Variants in CAPN15 observed in about 807,000 individuals in gnomAD.
CAPN15 encodes calpain 15, also known as calpain-15.
Under a neutral mutation model 97.9 loss-of-function variants are expected in CAPN15, and 53 were observed. The observed-to-expected ratio is 0.54, with a 90% CI of 0.43 to 0.68. The LOEUF is 0.68. Among genes scored for constraint, CAPN15 ranks in the 30% least tolerant of loss-of-function variants. CAPN15 has a pLI of 0.00. For synonymous variants in CAPN15, 922 were observed against 722.5 expected, an observed-to-expected ratio of 1.28 and a Z score of -4.43; for missense variants, 1,592 against 1,589.8, an observed-to-expected ratio of 1.00 and a Z score of -0.02.
Position 552,716 on chromosome 16 carries a change from C to A in CAPN15, c.2849C>A (p.Thr950Asn). 3 of 1,544,526 alleles carry A rather than the reference C, an allele frequency of 1.9e-6. No homozygotes were observed. Among genetic ancestry groups the A allele is most frequent in the Non-Finnish European group, 2.6e-6 (3 of 1,145,926 alleles). ...GTGGAGCCCGTGGAAGCCCAGCCGA[C>A]CACGCTGGCCGACGCCATCATCCTG... Reference protein sequence around the residue: ...VMVEPVEAQPTTLADAIILLT... With the variant: ...VMVEPVEAQPNTLADAIILLT... Residue 950 changes from threonine to asparagine, a missense_variant, in exon 12 of 14, where the codon ACC (threonine) becomes AAC (asparagine). Physicochemically the swap from Thr to Asn is moderately conservative, Grantham distance 65. This residue lies in a region of CAPN15 where 644 missense variants were observed against 699.6 expected (regional missense o/e 0.92). Coordinates refer to ENST00000219611, the MANE Select transcript of CAPN15 (RefSeq NM_005632.3). This position sits in a 1 kb window ranked among gnomAD's most constrained non-coding sequence, Gnocchi z 6.4.
In CAPN15 at chr16:552,026, G is replaced by A. The variant is rs1177160875; in HGVS notation, c.2346-25G>A. On this transcript the variant is annotated intron_variant, in intron 9 of 13. Transcript: ENST00000219611. This position sits in a 1 kb window ranked among gnomAD's most constrained non-coding sequence, Gnocchi z 6.4. ...GAGGTGTGGGCCGTGGTAGGCTCAG[G>A]GCCCCGTCCTCCCGCCACCTGCAGG... 2 of 1,545,850 alleles carry A rather than the reference G, an allele frequency of 1.3e-6. No individual in the cohort carries two copies. Among genetic ancestry groups the A allele is most frequent in the Non-Finnish European group, 1.7e-6 (2 of 1,145,464 alleles).
rs150894987 is a variant in CAPN15, at chr16:553,771, G to A, written c.*255G>A. On this transcript the variant is annotated 3_prime_UTR_variant, in exon 14 of 14. Transcript: ENST00000219611. ...ACCAGGCGGGCTGTGAACCAGCCCC[G>A]CTCACCTGCCAGCCCCAACACCCGA... is the stretch of plus-strand genomic sequence containing the variant. 65 of 384,306 alleles carry A rather than the reference G, an allele frequency of 1.7e-4. No individual in the cohort carries two copies. The highest frequency in any genetic ancestry group is 3.3e-4 in the African/African-American group (16 of 48,316). The allele number at this position is 384,306 out of a possible 1,614,324, so 23.8% of individuals were successfully genotyped here.
At chr16:541,268 G>A (rs1385446399) in intron 3 of CAPN15, among the ~76,000 whole-genome samples, 1 of 152,274 alleles carries the variant, frequency 6.6e-6, no homozygotes, top group East Asian at 1.9e-4. Flanking sequence ...CGGCCGACAA[G>A]GACTGGGGAT....
chr16:552,070 A>G lies in CAPN15; in HGVS notation c.2365A>G (p.Ile789Val). The change falls in exon 10 of 14, where the codon ATC becomes GTC. Residue 789 changes from isoleucine to valine, a missense_variant. Physicochemically the swap from Ile to Val is conservative, Grantham distance 29. Around this residue, in one of 3 missense-constraint regions of CAPN15, gnomAD observed 644 missense variants for 699.6 expected, o/e 0.92. Coordinates refer to ENST00000219611, the MANE Select transcript of CAPN15 (RefSeq NM_005632.3). The surrounding 1 kb of genome is among the most constrained non-coding windows in gnomAD (Gnocchi z 6.4). ...CTGCAGGTACTTCGACTCCGTGGAC[A>G]TCTGTAAGGTGCACTCGGACTGGCA... is the stretch of plus-strand genomic sequence containing the variant. ...DFVRYFDSVD[I>V]CKVHSDWQEA... 6.5e-7 allele frequency: 1 copy of G among 1,549,038 alleles called. No individual in the cohort carries two copies. The highest frequency in any genetic ancestry group is 8.7e-7 in the Non-Finnish European group (1 of 1,146,900).
Position 548,008 on chromosome 16 carries a change from C to T in CAPN15, c.1170C>T (p.Ser390=). 5.7e-6 allele frequency: 9 copies of T among 1,577,316 alleles called. No individual in the cohort carries two copies. The highest frequency in any genetic ancestry group is 7.7e-6 in the Non-Finnish European group (9 of 1,163,672). Residue 390 remains serine, a synonymous_variant, in exon 4 of 14, where the codon AGC becomes AGT. Coordinates refer to ENST00000219611, the MANE Select transcript of CAPN15 (RefSeq NM_005632.3). ...HCPDCGADKP[S]PCGRSCGRVS... ...CCGACTGTGGGGCCGACAAGCCCAG[C>T]CCCTGCGGCAGAAGCTGCGGACGGG...
chr16:546,307 A>G (rs2034580783), intron 3 of CAPN15, among the ~76,000 whole-genome samples: 1 of 151,940 alleles, frequency 6.6e-6, no homozygotes, highest in Non-Finnish European at 1.5e-5. Flanking sequence ...AGAACAATTG[A>G]TTTTTCTGCC....
intron 3 of CAPN15, among the ~76,000 whole-genome samples, chr16:542,987 G>A (rs1045924260): frequency 3.3e-5 from 5 of 150,252 alleles, no homozygotes; most frequent in Non-Finnish European, 5.9e-5. Flanking sequence ...GGAGGCGGAG[G>A]TTGCAGTGAG....
chr16:537,993 G>A (rs563254219), intron 3 of CAPN15: 4 of 152,374 alleles, frequency 2.6e-5, no homozygotes, highest in South Asian at 4.1e-4. Flanking sequence ...TTTTACGTTC[G>A]CTTCACACGG....
intron 5 of CAPN15, 41 bp downstream of exon 5, chr16:549,242 G>GGGGGGGT: frequency 1.0e-5 from 3 of 298,896 alleles, no homozygotes; most frequent in Admixed American, 4.7e-5. Flanking sequence ...GGGTGGGCGG[G>GGGGGGGT]CGACCGGCCG....
rs747256763 is a variant in CAPN15, at chr16:552,494, T to C, written c.2701T>C (p.Trp901Arg). Residue 901 changes from tryptophan to arginine, a missense_variant, in exon 11 of 14, where the codon TGG becomes CGG. Trp to Arg is a moderately radical substitution (Grantham distance 101). Around this residue, in one of 3 missense-constraint regions of CAPN15, gnomAD observed 644 missense variants for 699.6 expected, o/e 0.92. Transcript: ENST00000219611. This position sits in a 1 kb window ranked among gnomAD's most constrained non-coding sequence, Gnocchi z 6.4. ...YAVVCCAFNH[W>R]GPPLPGTPAP... The stretch of plus-strand genomic sequence containing the variant: ...TGTGGTGTGCTGCGCCTTCAACCAC[T>C]GGGGGCCGCCCCTGCCGGGCACCCC... The C allele has an allele frequency of 1.3e-5, 21 of 1,606,860 alleles. No homozygotes were observed. The highest frequency in any genetic ancestry group is 1.7e-5 in the Non-Finnish European group (20 of 1,179,350).
intron 3 of CAPN15, among the ~76,000 whole-genome samples, chr16:545,304 G>A (rs556585280): frequency 2.3e-4 from 35 of 152,178 alleles, no homozygotes; most frequent in African/African-American, 7.9e-4. Flanking sequence ...AGGGCAGAAG[G>A]GCAGGGAGGG....
At chr16:534,210 G>C (rs2033504995) in intron 2 of CAPN15, among the ~76,000 whole-genome samples, 1 of 152,282 alleles carries the variant, frequency 6.6e-6, no homozygotes, top group Admixed American at 6.5e-5. Context: ...AGGCGACGGT[G>C]AGGGCGGCCC....
chr16:548,168 C>A lies in CAPN15; in HGVS notation c.1330C>A (p.Gln444Lys). The change falls in exon 4 of 14, where the codon CAG (glutamine) becomes AAG (lysine). Residue 444 changes from glutamine to lysine, a missense_variant. Gln to Lys is a moderately conservative substitution (Grantham distance 53, BLOSUM62 1). Coordinates refer to ENST00000219611, the MANE Select transcript of CAPN15 (RefSeq NM_005632.3). ...ACHTPQLLVA[Q>K]RRGAAPLRRR... ...CCACACGCCTCAGCTCCTGGTGGCC[C>A]AGCGGCGGGGGGCCGCGCCCCTGAG... is the stretch of plus-strand genomic sequence containing the variant. The A allele has an allele frequency of 6.5e-7, 1 of 1,534,112 alleles. No homozygotes were observed. The highest frequency in any genetic ancestry group is 2.5e-5 in the East Asian group (1 of 40,486).
rs777880808 is a variant in CAPN15 at position 552,072 on chromosome 16, C to T, written c.2367C>T (p.Ile789=). Residue 789 remains isoleucine, a synonymous_variant, in exon 10 of 14, where the codon ATC becomes ATT. Transcript: ENST00000219611. This position sits in a 1 kb window ranked among gnomAD's most constrained non-coding sequence, Gnocchi z 6.4. ...DFVRYFDSVD[I]CKVHSDWQEA... is the part of the protein sequence containing the mutation. Reference sequence around the variant, plus strand: ...GCAGGTACTTCGACTCCGTGGACATCTGTAAGGTGCACTCGGACTGGCAGG... The same window carrying T: ...GCAGGTACTTCGACTCCGTGGACATTTGTAAGGTGCACTCGGACTGGCAGG... 1.4e-4 allele frequency: 214 copies of T among 1,549,034 alleles called. No homozygotes were observed. The highest frequency in any genetic ancestry group is 1.8e-4 in the Non-Finnish European group (206 of 1,146,942).
intron 3 of CAPN15, 67 bp downstream of exon 3, chr16:536,209 C>A: frequency 2.6e-6 from 1 of 385,860 alleles, no homozygotes; most frequent in Non-Finnish European, 3.6e-6. Flanking sequence ...CCTCAGTGGC[C>A]CTGGACATGA....
rs1382147150 is a variant in CAPN15 at position 549,100 on chromosome 16, G to A, written c.1557G>A (p.Gln519=). 6.2e-7 allele frequency: 1 copy of A among 1,612,440 alleles called. No individual in the cohort carries two copies. Among genetic ancestry groups the A allele is most frequent in the Non-Finnish European group, 8.5e-7 (1 of 1,179,972 alleles). ...GTGTGAGGCAGTGGCTGCGACCCCA[G>A]GAGATCAACTGCTCCGTCTTCAGGG... The part of the protein sequence containing the change: ...QQRVRQWLRP[Q]EINCSVFRDH... The change falls in exon 5 of 14, where the codon CAG becomes CAA. Residue 519 remains glutamine, a synonymous_variant. Coordinates refer to ENST00000219611, the MANE Select transcript of CAPN15 (RefSeq NM_005632.3).
At chr16:551,251 G>T (rs1197545431) in intron 7 of CAPN15, 51 bp from the exon 8 acceptor site, 1 of 1,525,302 alleles carries the variant, frequency 6.6e-7, no homozygotes, top group Non-Finnish European at 8.8e-7. Flanking sequence ...GGTCGGTGAG[G>T]GTCCCCTGTC....
chr16:544,131 G>A (rs967890123), intron 3 of CAPN15, among the ~76,000 whole-genome samples: 7 of 152,270 alleles, frequency 4.6e-5, no homozygotes, highest in South Asian at 2.1e-4. Flanking sequence ...AAGGCTGACC[G>A]GCGCCGGGCT....
intron 1 of CAPN15, among the ~76,000 whole-genome samples, chr16:532,712 G>A (rs1432889482): frequency 6.6e-6 from 1 of 151,796 alleles, no homozygotes; most frequent in African/African-American, 2.4e-5. Flanking sequence ...AATTAGCCGG[G>A]CCTGGTGGCA....
Sources: gnomAD v4.1 joint callset for allele counts (sites outside exome capture counted in the v4.1 genomes callset) on GRCh38, gnomAD v4.1.1 for gene constraint, gnomAD v4.1.1 regional missense constraint, Gnocchi (gnomAD v3.1) non-coding constraint, MANE v1.5 for transcripts, NCBI Gene and HGNC (gene_info 2026-07-23, HGNC 2026-07-21) for gene names.